The following ZNF729 variants were observed in gnomAD, a reference collection of about 807,000 sequenced individuals.
The protein encoded by ZNF729 is zinc finger protein 729.
A neutral mutation model predicts 12.2 loss-of-function variants in ZNF729; 15 were observed. The ratio of observed to expected loss-of-function variants is 1.23; its 90% CI spans 0.82 to 1.89. ZNF729 has a LOEUF of 1.89. Ranked by LOEUF, ZNF729 falls within the 40% of genes most tolerant of loss-of-function variation. The pLI is 0.00. For synonymous variants in ZNF729, 492 were observed against 476.3 expected, an observed-to-expected ratio of 1.03 and a Z score of -0.43; for missense variants, 1,540 against 1,456.7, an observed-to-expected ratio of 1.06 and a Z score of -0.93.
At position 22,316,401 on chromosome 19, in the gene ZNF729, A is replaced by G; in HGVS notation, c.2984A>G (p.Glu995Gly). The change falls in exon 4 of 4, where the codon GAA (glutamate) becomes GGA (glycine). Residue 995 changes from glutamate to glycine, a missense_variant. Transcript: ENST00000601693. ...ACTGGGGAGAAACCCTACAAATGCG[A>G]AGAATGTGGCAAAGATTTTAACAAT... is the stretch of plus-strand genomic sequence containing the variant. The part of the protein sequence containing the change: ...IHTGEKPYKC[E>G]ECGKDFNNSS... The G allele has an allele frequency of 1.2e-6, 2 of 1,613,768 alleles. No individual in the cohort carries two copies. The highest frequency in any genetic ancestry group is 1.7e-6 in the Non-Finnish European group (2 of 1,179,746).
At chr19:22,313,578 T>TA (rs1968477309) in intron 3 of ZNF729, 93 bp from the exon 4 acceptor site, 2 of 1,176,540 alleles carry the variant, frequency 1.7e-6, no homozygotes, top group African/African-American at 3.1e-5. Flanking sequence ...TGTGCCATCT[T>TA]ATGTGGTTTG....
At position 22,316,771 on chromosome 19, in the gene ZNF729, C is replaced by T; in HGVS notation, c.3354C>T (p.Thr1118=). ...GCAAAGCTTTTAACAATTCCTCAAC[C>T]CTTACGAAACATAAGATAATTCATA... ...ECGKAFNNSS[T]LTKHKIIHTG... Residue 1118 remains threonine (T), a synonymous_variant, in exon 4 of 4, where the codon ACC becomes ACT. Coordinates refer to ENST00000601693, the MANE Select transcript of ZNF729 (RefSeq NM_001242680.2). 1 of 1,612,818 alleles carries T rather than the reference C, an allele frequency of 6.2e-7. No homozygotes were observed. The highest frequency in any genetic ancestry group is 1.3e-5 in the African/African-American group (1 of 74,962).
intron 1 of ZNF729, among the ~76,000 whole-genome samples, chr19:22,295,541 C>T (rs763845105): frequency 2.0e-5 from 3 of 152,054 alleles, no homozygotes; most frequent in African/African-American, 7.2e-5. Flanking sequence ...CAGGCGACTA[C>T]AGGCGCGCAC....
chr19:22,308,676 GA>G (rs1402942036), intron 3 of ZNF729, among the ~76,000 whole-genome samples: 1 of 151,862 alleles, frequency 6.6e-6, no homozygotes, highest in Admixed American at 6.6e-5. Context: ...ATCTTCTGTT[GA>G]AAATTGTCTA....
At chr19:22,307,995 A>G (rs181965759) in intron 3 of ZNF729, among the ~76,000 whole-genome samples, 23 of 151,984 alleles carry the variant, frequency 1.5e-4, no homozygotes, top group Admixed American at 1.1e-3. Context: ...CCCTATTTGT[A>G]GTCTTTTATC....
At chr19:22,312,440 TTGTGTGTGTG>T (rs138264785) in intron 3 of ZNF729, among the ~76,000 whole-genome samples, 49,346 of 144,584 alleles carry the variant, frequency 0.34, 9,656 homozygotes, top group South Asian at 0.54. Flanking sequence ...TTGTCTGAAA[TTGTGTGTGTG>T]TGTGTGTGTG....
In ZNF729 at chr19:22,315,851, AC is replaced by A; in HGVS notation, c.2435del (p.Thr812MetfsTer5). The A allele has an allele frequency of 6.2e-7, 1 of 1,611,274 alleles. No individual in the cohort carries two copies. The highest frequency in any genetic ancestry group is 1.1e-5 in the South Asian group (1 of 91,060). ...GKAFKWSSKL[T>X]VHKVIHTGEK... ...AGCTTTTAAGTGGTCCTCAAAGCTT[AC>A]TGTACATAAGGTAATTCATACTGGA... is the stretch of plus-strand genomic sequence containing the variant. On this transcript the variant is annotated frameshift_variant, in exon 4 of 4. Coordinates refer to ENST00000601693, the MANE Select transcript of ZNF729 (RefSeq NM_001242680.2). LOFTEE classifies it low-confidence loss of function (END_TRUNC).
chr19:22,303,320 A>G (rs980162691), intron 1 of ZNF729, among the ~76,000 whole-genome samples: 2 of 151,276 alleles, frequency 1.3e-5, no homozygotes, highest in African/African-American at 4.9e-5. Context: ...AGAAACTCAG[A>G]CTTTATTCTA....
intron 3 of ZNF729, 61 bp downstream of exon 3, chr19:22,304,844 C>G: frequency 6.6e-7 from 1 of 1,511,092 alleles, no homozygotes; most frequent in Non-Finnish European, 9.0e-7. Context: ...AAGGAGAAAG[C>G]CAGTTCTCAA....
chr19:22,287,156 AT>A (rs1265527933), intron 1 of ZNF729, among the ~76,000 whole-genome samples: 1 of 151,732 alleles, frequency 6.6e-6, no homozygotes, highest in Non-Finnish European at 1.5e-5. Context: ...CAAGATGGAA[AT>A]TTCCCGTTTA....
intron 3 of ZNF729, among the ~76,000 whole-genome samples, chr19:22,309,557 T>C (rs993374656): frequency 6.6e-6 from 1 of 152,206 alleles, no homozygotes; most frequent in Admixed American, 6.5e-5. Flanking sequence ...TTCTTTTCCA[T>C]TGGTTTATGT....
At chr19:22,310,600 T>C (rs902882535) in intron 3 of ZNF729, among the ~76,000 whole-genome samples, 1 of 152,194 alleles carries the variant, frequency 6.6e-6, no homozygotes, top group African/African-American at 2.4e-5. Context: ...TTCAGTTAGC[T>C]ACTATTTTAA....
At chr19:22,298,713 C>T (rs1310827001) in intron 1 of ZNF729, among the ~76,000 whole-genome samples, 2 of 152,060 alleles carry the variant, frequency 1.3e-5, no homozygotes, top group African/African-American at 2.4e-5. Flanking sequence ...GGGGTTTCAC[C>T]GTGTTGTGCA....
rs1205110047 is a variant in ZNF729, at chr19:22,315,644, G to A, written c.2227G>A (p.Glu743Lys). The A allele has an allele frequency of 1.9e-6, 3 of 1,608,670 alleles. No individual in the cohort carries two copies. The highest frequency in any genetic ancestry group is 2.7e-5 in the African/African-American group (2 of 74,842). ...TACTGCAGAGAAACCCTGCAAATGT[G>A]AAGAATGTGGCAAATCTTTTAAGCA... is the stretch of plus-strand genomic sequence containing the variant. The part of the protein sequence containing the change: ...IHTAEKPCKC[E>K]ECGKSFKHFS... The change falls in exon 4 of 4, where the codon GAA becomes AAA. Residue 743 changes from glutamate to lysine, a missense_variant. Transcript: ENST00000601693.
intron 1 of ZNF729, among the ~76,000 whole-genome samples, chr19:22,294,530 G>C (rs1408142479): frequency 2.6e-5 from 4 of 151,540 alleles, no homozygotes; most frequent in African/African-American, 9.7e-5. Flanking sequence ...GATAAGAATA[G>C]CATTAAATCA....
intron 1 of ZNF729, 50 bp downstream of exon 1, chr19:22,286,605 A>T: frequency 5.0e-6 from 8 of 1,612,106 alleles, no homozygotes; most frequent in Non-Finnish European, 6.8e-6. Flanking sequence ...GCTGATTGGA[A>T]CCGGTGGGAA....
chr19:22,310,060 T>C (rs1968432595), intron 3 of ZNF729, among the ~76,000 whole-genome samples: 1 of 152,184 alleles, frequency 6.6e-6, no homozygotes, highest in African/African-American at 2.4e-5. Flanking sequence ...TATACATTAA[T>C]TTTGTATCTG....
In ZNF729 at chr19:22,317,013, A is replaced by G; in HGVS notation, c.3596A>G (p.Gln1199Arg). 6.2e-7 allele frequency: 1 copy of G among 1,611,900 alleles called. No individual in the cohort carries two copies. The highest frequency in any genetic ancestry group is 1.1e-5 in the South Asian group (1 of 91,042). Residue 1199 changes from glutamine to arginine, a missense_variant, in exon 4 of 4, where the codon CAG becomes CGG. Gln to Arg is a conservative substitution (Grantham distance 43). Coordinates refer to ENST00000601693, the MANE Select transcript of ZNF729 (RefSeq NM_001242680.2). ...KCEECGKAFI[Q>R]CSYLIRHKTI... The stretch of plus-strand genomic sequence containing the variant: ...GAAGAATGTGGCAAAGCTTTTATTC[A>G]GTGCTCATACCTTATTAGACATAAA...
At chr19:22,289,401 A>G (rs1968124169) in intron 1 of ZNF729, among the ~76,000 whole-genome samples, 1 of 151,424 alleles carries the variant, frequency 6.6e-6, no homozygotes. Flanking sequence ...AATTTTTTGT[A>G]TTTTTAATAG....
Sources: gnomAD v4.1 joint callset for allele counts (sites outside exome capture counted in the v4.1 genomes callset) on GRCh38, gnomAD v4.1.1 for gene constraint, MANE v1.5 for transcripts, NCBI Gene and HGNC (gene_info 2026-07-23, HGNC 2026-07-21) for gene names.